Variants in SUCO observed in about 807,000 individuals in gnomAD.
The protein encoded by SUCO is SUN domain-containing ossification factor.
SUCO carries 57 observed loss-of-function variants against 148.1 expected under a neutral mutation model. That is an observed-to-expected ratio of 0.38 (90% CI 0.31 to 0.48). SUCO has a LOEUF of 0.48. SUCO is among the 20% of genes least tolerant of loss of function. The pLI, the probability that SUCO is intolerant of heterozygous loss-of-function variation, is 0.96. For synonymous variants in SUCO, 470 were observed against 502.7 expected (o/e 0.93, Z 0.87); for missense variants, 1,331 against 1,468.2 (o/e 0.91, Z 1.53).
In SUCO at chr1:172,533,243, C is replaced by G; in HGVS notation, c.-193C>G. 6.5e-7 allele frequency: 1 copy of G among 1,547,334 alleles called. No individual in the cohort carries two copies. Among genetic ancestry groups the G allele is most frequent in the Non-Finnish European group, 8.7e-7 (1 of 1,146,266 alleles). ...CGGAGTCCTGTGAAGCGCCCCTGTC[C>G]GCGCCTCTGTGGGGCCCTCAGAGAG... On this transcript the variant is annotated 5_prime_UTR_variant, in exon 1 of 24. Transcript: ENST00000263688.
In SUCO at chr1:172,610,240, C is replaced by A. The variant is rs1442772371; in HGVS notation, c.3746C>A (p.Ala1249Glu). Residue 1249 changes from alanine (A) to glutamate (E), a missense_variant, in exon 24 of 24, where the codon GCA (alanine) becomes GAA (glutamate). By Grantham distance (107) the Ala-to-Glu change is moderately radical. Transcript: ENST00000263688. ...ACCGTGGGAACATTTGGTGTTACAG[C>A]AGTCTCGGGACATATCTAAAATTAA... ...EITVGTFGVT[A>E]VSGHI 2 of 1,595,682 alleles carry A rather than the reference C, an allele frequency of 1.3e-6. No homozygotes were observed. Among genetic ancestry groups the A allele is most frequent in the Non-Finnish European group, 1.7e-6 (2 of 1,173,514 alleles).
intron 21 of SUCO, 154 bp downstream of exon 21, chr1:172,602,372 G>T: frequency 1.0e-6 from 1 of 976,952 alleles, no homozygotes; most frequent in Non-Finnish European, 1.2e-6. Flanking sequence ...TCGATAGTAA[G>T]ATGGTCCTAT....
intron 8 of SUCO, 174 bp downstream of exon 8, chr1:172,570,345 C>G: frequency 2.0e-6 from 1 of 495,712 alleles, no homozygotes; most frequent in Non-Finnish European, 3.5e-6. Context: ...CTTATATTGG[C>G]TGATGTATTT....
At chr1:172,578,680 G>C (rs1190771228) in intron 14 of SUCO, 15 of 328,794 alleles carry the variant, frequency 4.6e-5, no homozygotes, top group Non-Finnish European at 5.7e-5. Flanking sequence ...CCAAAAATCT[G>C]TTAAACTCAC....
intron 6 of SUCO, among the ~76,000 whole-genome samples, chr1:172,565,870 T>C (rs1654513520): frequency 6.6e-6 from 1 of 152,228 alleles, no homozygotes; most frequent in East Asian, 1.9e-4. Flanking sequence ...GGCTTTTAAC[T>C]GACCACTTAG....
intron 1 of SUCO, among the ~76,000 whole-genome samples, chr1:172,547,948 CAAAT>C (rs1247945295): frequency 1.3e-5 from 2 of 151,776 alleles, no homozygotes; most frequent in Admixed American, 6.6e-5. Flanking sequence ...GGGCAAATGA[CAAAT>C]AATGGAACAA....
In SUCO at chr1:172,547,767, G is replaced by T. The variant is rs575219321; in HGVS notation, c.63-3745G>T. ...AGACATTGGATTAATTGACAAAATT[G>T]CAATGTGGACAGTAAATTTTTGTGT... is the stretch of plus-strand genomic sequence containing the variant. On this transcript the variant is annotated intron_variant, in intron 1 of 23. Transcript: ENST00000263688. 2.6e-4 allele frequency among the ~76,000 whole-genome samples: 40 copies of T among 152,254 alleles called. 2 individuals are homozygous for T. In the South Asian group the frequency reaches 8.1e-3, roughly 31 times the overall value.
chr1:172,555,743 A>C, intron 3 of SUCO, 126 bp from the exon 4 acceptor site: 1 of 761,404 alleles, frequency 1.3e-6, no homozygotes, highest in Non-Finnish European at 1.9e-6. Flanking sequence ...TTATAAAAGT[A>C]CTTTTTTTAG....
chr1:172,567,235 C>T (rs78975660), intron 6 of SUCO, among the ~76,000 whole-genome samples: 1,797 of 152,278 alleles, frequency 0.012, 44 homozygotes, highest in African/African-American at 0.042. Flanking sequence ...TATTGTTTAC[C>T]AGAGTTTCCT....
In SUCO at chr1:172,553,360, T is replaced by C; in HGVS notation, c.278T>C (p.Val93Ala). 1 of 1,590,234 alleles carries C rather than the reference T, an allele frequency of 6.3e-7. No homozygotes were observed. The highest frequency in any genetic ancestry group is 8.6e-7 in the Non-Finnish European group (1 of 1,164,796). Residue 93 changes from valine to alanine, a missense_variant, in exon 3 of 24, where the codon GTG (valine) becomes GCG (alanine). By Grantham distance (64) the Val-to-Ala change is moderately conservative (BLOSUM62 0). Coordinates refer to ENST00000263688, the MANE Select transcript of SUCO (RefSeq NM_014283.5). ...CATAAATTAAAAGATGATTCTATTGTGGATGTACAAGTAAGCTATGTCGCT... is the reference window on the plus strand; with the variant it reads ...CATAAATTAAAAGATGATTCTATTGCGGATGTACAAGTAAGCTATGTCGCT... ...KEHKLKDDSIVDVQNTESKKL... is the reference protein window; with the variant it reads ...KEHKLKDDSIADVQNTESKKL...
At chr1:172,588,406 G>T in intron 17 of SUCO, 1 of 983,660 alleles carries the variant, frequency 1.0e-6, no homozygotes, top group Non-Finnish European at 1.2e-6. Context: ...AGTGAAGCTT[G>T]TAAAGATTCA....
At chr1:172,579,349 G>A in intron 15 of SUCO, 82 bp downstream of exon 15, 1 of 828,234 alleles carries the variant, frequency 1.2e-6, no homozygotes. Flanking sequence ...GTATGGTTGA[G>A]GAGAATTCTC....
rs144366061 is a variant in SUCO at position 172,562,427 on chromosome 1, G to A, written c.732+4633G>A. 3.8e-3 allele frequency among the ~76,000 whole-genome samples: 569 copies of A among 150,422 alleles called. 4 individuals carry two copies. Among genetic ancestry groups the A allele is most frequent in the Middle Eastern group, 0.014 (4 of 290 alleles). ...CTGCTCACTGCAACCTCCGCCTCCC[G>A]GGTTCAAGTGATTCTCTTGCCTCAG... On this transcript the variant is annotated intron_variant, in intron 6 of 23. Transcript: ENST00000263688.
chr1:172,592,602 T>C (rs1410610788), intron 19 of SUCO, among the ~76,000 whole-genome samples: 2 of 152,214 alleles, frequency 1.3e-5, no homozygotes, highest in Admixed American at 1.3e-4. Flanking sequence ...TGTGGTATTA[T>C]TTCTGAGGGT....
At chr1:172,560,204 A>G (rs567479900) in intron 6 of SUCO, among the ~76,000 whole-genome samples, 2 of 152,362 alleles carry the variant, frequency 1.3e-5, no homozygotes, top group South Asian at 4.1e-4. Flanking sequence ...AGGACCAAAA[A>G]TTAGTAACAA....
chr1:172,545,119 G>C (rs1475153624), intron 1 of SUCO, among the ~76,000 whole-genome samples: 1 of 152,202 alleles, frequency 6.6e-6, no homozygotes, highest in African/African-American at 2.4e-5. Flanking sequence ...AGCAGTACCA[G>C]ATGGTGGGAT....
intron 1 of SUCO, among the ~76,000 whole-genome samples, chr1:172,548,493 T>G (rs902925074): frequency 6.6e-6 from 1 of 152,176 alleles, no homozygotes; most frequent in Non-Finnish European, 1.5e-5. Context: ...TGATTAGCTC[T>G]TTTGTTTTCA....
At chr1:172,558,052 G>A (rs1348052509) in intron 6 of SUCO, among the ~76,000 whole-genome samples, 2 of 152,154 alleles carry the variant, frequency 1.3e-5, no homozygotes, top group African/African-American at 4.8e-5. Flanking sequence ...GCCACCCACA[G>A]CTGTTTGATA....
At chr1:172,601,316 G>A (rs1269276872) in intron 20 of SUCO, among the ~76,000 whole-genome samples, 2 of 152,044 alleles carry the variant, frequency 1.3e-5, no homozygotes, top group African/African-American at 2.4e-5. Flanking sequence ...ATGATGAAAC[G>A]CCGTCTCTTC....
Sources: gnomAD v4.1 joint callset for allele counts (sites outside exome capture counted in the v4.1 genomes callset) on GRCh38, gnomAD v4.1.1 for gene constraint, MANE v1.5 for transcripts, NCBI Gene and HGNC (gene_info 2026-07-23, HGNC 2026-07-21) for gene names.